The following PCGF3 variants were observed in gnomAD, a reference collection of about 807,000 sequenced individuals.
PCGF3 encodes the protein polycomb group ring finger 3, also known as polycomb group RING finger protein 3.
PCGF3 carries 7 observed loss-of-function variants against 33.1 expected under a neutral mutation model. That is an observed-to-expected ratio of 0.21 (90% CI 0.12 to 0.40). The LOEUF (loss-of-function observed/expected upper bound fraction) is 0.40, where lower values mean the gene tolerates loss of function less well. PCGF3 is among the 10% of genes least tolerant of loss of function. The probability of loss-of-function intolerance (pLI) is 1.00; values close to 1 mark genes in which losing one functional copy is unlikely to be tolerated. For missense variants in PCGF3, 211 were observed against 313.3 expected (o/e 0.67, Z 2.46); for synonymous variants, 153 against 121.3 (o/e 1.26, Z -1.72).
intron 1 of PCGF3, among the ~76,000 whole-genome samples, chr4:722,736 A>G (rs112145468): frequency 0.27 from 4,909 of 18,126 alleles, 1,192 homozygotes; most frequent in African/African-American, 0.44. Context: ...TCGCCCACCC[A>G]CGCCGGGTCC....
chr4:719,601 A>G (rs1742993884), intron 1 of PCGF3, among the ~76,000 whole-genome samples: 1 of 152,224 alleles, frequency 6.6e-6, no homozygotes. Context: ...AACAGGAGCG[A>G]GGCGTTTACG....
At chr4:715,399 C>A (rs1355450566) in intron 1 of PCGF3, among the ~76,000 whole-genome samples, 2 of 145,234 alleles carry the variant, frequency 1.4e-5, no homozygotes, top group African/African-American at 5.1e-5. Context: ...GGTGCTGGGA[C>A]CCTGTAGACA....
At chr4:738,054 ACT>A (rs1363029490) in intron 6 of PCGF3, among the ~76,000 whole-genome samples, 5 of 152,114 alleles carry the variant, frequency 3.3e-5, no homozygotes, top group South Asian at 2.1e-4. Flanking sequence ...AGCTCCCGAC[ACT>A]CTCACGGTGG....
intron 3 of PCGF3, chr4:731,334 G>T (rs1479405327): frequency 7.5e-6 from 3 of 400,246 alleles, no homozygotes; most frequent in Non-Finnish European, 1.3e-5. Context: ...CAGAGGGCTG[G>T]TCTCCTTCCG....
chr4:769,195 C>T (rs954705863), exon 11 of PCGF3: 10 of 152,704 alleles, frequency 6.5e-5, no homozygotes, highest in Admixed American at 3.9e-4. Context: ...GGCCTCAGAC[C>T]ACAAGAGCGG....
chr4:766,067 G>A (rs1029081275), exon 11 of PCGF3: 1 of 1,613,984 alleles, frequency 6.2e-7, no homozygotes, highest in African/African-American at 1.3e-5. Context: ...GACCCAAGAT[G>A]GACTTGCTGT....
intron 1 of PCGF3, among the ~76,000 whole-genome samples, chr4:723,192 A>T (rs1456010625): frequency 2.6e-5 from 4 of 152,024 alleles, no homozygotes; most frequent in African/African-American, 9.7e-5. Flanking sequence ...CCGCGCGGGG[A>T]TGTGTCTGAA....
intron 3 of PCGF3, among the ~76,000 whole-genome samples, chr4:732,902 G>T (rs1743663191): frequency 6.6e-6 from 1 of 152,230 alleles, no homozygotes; most frequent in Admixed American, 6.5e-5. Context: ...ACCAGGCTCT[G>T]CCTGCCGTCG....
chr4:758,311 C>T (rs1421017155), intron 8 of PCGF3, among the ~76,000 whole-genome samples: 3 of 151,222 alleles, frequency 2.0e-5, no homozygotes, highest in African/African-American at 4.9e-5. Flanking sequence ...GGTCTTTCTC[C>T]CCGCGCGGCC....
At chr4:715,536 A>G (rs1300724600) in intron 1 of PCGF3, among the ~76,000 whole-genome samples, 13 of 132,328 alleles carry the variant, frequency 9.8e-5, no homozygotes, top group East Asian at 2.5e-4. Context: ...GGGACCCTGT[A>G]GACACTGAGT....
chr4:719,599 C>T (rs539418332), intron 1 of PCGF3, among the ~76,000 whole-genome samples: 99 of 152,352 alleles, frequency 6.5e-4, no homozygotes, highest in Middle Eastern at 3.4e-3. Context: ...GGAACAGGAG[C>T]GAGGCGTTTA....
chr4:763,458 T>C (rs780044766), intron 9 of PCGF3, among the ~76,000 whole-genome samples: 2 of 152,224 alleles, frequency 1.3e-5, no homozygotes, highest in Non-Finnish European at 2.9e-5. Context: ...CTGCTTCAAT[T>C]CATGCCTTCC....
At chr4:711,454 C>CTTT (rs1248598317) in intron 1 of PCGF3, among the ~76,000 whole-genome samples, 2 of 82,892 alleles carry the variant, frequency 2.4e-5, no homozygotes, top group African/African-American at 3.7e-5. Flanking sequence ...TTTTTTTTTT[C>CTTT]TTTTTTTTTT....
chr4:754,908 G>C (rs1560215120), intron 8 of PCGF3, among the ~76,000 whole-genome samples: 1 of 152,202 alleles, frequency 6.6e-6, no homozygotes, highest in Non-Finnish European at 1.5e-5. Context: ...TTAAAAGGGA[G>C]GGAGCCTGCA....
intron 3 of PCGF3, 136 bp downstream of exon 3, chr4:731,246 GT>G: frequency 2.5e-6 from 1 of 398,534 alleles, no homozygotes; most frequent in Non-Finnish European, 4.4e-6. Flanking sequence ...TCACTGCCGA[GT>G]TTTCCTGGCC....
intron 1 of PCGF3, among the ~76,000 whole-genome samples, chr4:707,970 C>CAAA (rs1742401223): frequency 1.0e-5 from 1 of 97,082 alleles, no homozygotes. Context: ...CTGGGACAGC[C>CAAA]CTGTTTTCCC....
chr4:734,132 G>A (rs1255828206), intron 4 of PCGF3: 1 of 1,550,604 alleles, frequency 6.4e-7, no homozygotes, highest in South Asian at 1.2e-5. Context: ...CCTTCAAAGG[G>A]GAACCTTCCA....
In PCGF3 at chr4:751,443, G is replaced by A. The variant is rs553416777; in HGVS notation, c.462+6755G>A. ...CCTGGTGTGTTTGGATTTGTGCTTC[G>A]CCACGTCCGCACGTCACTTCTGAGC... On this transcript the variant is annotated intron_variant, in intron 8 of 10. Coordinates refer to ENST00000362003, the Ensembl canonical transcript of PCGF3. Among the ~76,000 whole-genome samples, 16 of 152,156 alleles carry A rather than the reference G, an allele frequency of 1.1e-4. No individual in the cohort carries two copies. In the South Asian group the frequency reaches 1.7e-3, roughly 16 times the overall value.
At chr4:707,025 C>T (rs977916400) in intron 1 of PCGF3, among the ~76,000 whole-genome samples, 1 of 150,236 alleles carries the variant, frequency 6.7e-6, no homozygotes, top group Non-Finnish European at 1.5e-5. Context: ...GGCAGGACCC[C>T]GGGAGGGCTG....
Sources: allele counts gnomAD v4.1 joint callset (sites outside exome capture counted in the v4.1 genomes callset), GRCh38; gene constraint gnomAD v4.1.1; transcripts MANE v1.5; gene names NCBI Gene and HGNC (gene_info 2026-07-23, HGNC 2026-07-21).